Variants in MEGF11 observed in about 807,000 individuals in gnomAD.
The protein encoded by MEGF11 is multiple EGF like domains 11.
A neutral mutation model predicts 146.6 loss-of-function variants in MEGF11; 126 were observed. That is an observed-to-expected ratio of 0.86 (90% CI 0.74 to 1.00). The LOEUF (loss-of-function observed/expected upper bound fraction) is 1.00. MEGF11 is among the 50% of genes least tolerant of loss of function. The pLI, the probability that MEGF11 is intolerant of heterozygous loss-of-function variation, is 0.00. For synonymous variants in MEGF11, 532 were observed against 583.4 expected, an observed-to-expected ratio of 0.91 and a Z score of 1.27; for missense variants, 1,509 against 1,521.2, an observed-to-expected ratio of 0.99 and a Z score of 0.13.
At position 66,082,555 on chromosome 15, in the gene MEGF11, C is replaced by CCCAGCTA. The variant is rs1306079825; in HGVS notation, c.394+11840_394+11846dup. ...AGGTGTGGTGGTGTGTACCTGTAGT[C>CCCAGCTA]CCAGCTACTGGGGAAGCTGAAGAAG... On this transcript the variant is annotated intron_variant, in intron 5 of 25. Coordinates refer to ENST00000395614, the MANE Select transcript of MEGF11 (RefSeq NM_001385028.1). 1.5e-4 allele frequency among the ~76,000 whole-genome samples: 21 copies of CCCAGCTA among 144,096 alleles called. 1 individual carries two copies. In the Admixed American group the frequency reaches 1.5e-3, roughly 10 times the overall value. The allele number at this position is 144,096 out of a possible 152,430, so 94.5% of individuals were successfully genotyped here. A position where few individuals can be genotyped will look rare whatever the true frequency, so the allele number is the denominator to read the frequency against.
intron 5 of MEGF11, among the ~76,000 whole-genome samples, chr15:65,984,714 T>C (rs894875745): frequency 2.6e-5 from 4 of 152,136 alleles, no homozygotes; most frequent in East Asian, 1.9e-4. Flanking sequence ...ACATAGCTTA[T>C]TGTCCATATG....
At chr15:66,079,214 G>C (rs544406039) in intron 5 of MEGF11, among the ~76,000 whole-genome samples, 1 of 152,262 alleles carries the variant, frequency 6.6e-6, no homozygotes, top group South Asian at 2.1e-4. Context: ...AATTTTCTTG[G>C]GGGGACAGAT....
At chr15:66,146,192 A>G (rs1162383613) in intron 1 of MEGF11, among the ~76,000 whole-genome samples, 2 of 152,220 alleles carry the variant, frequency 1.3e-5, no homozygotes, top group Non-Finnish European at 2.9e-5. Flanking sequence ...GTGGTTGTAA[A>G]GATCAAAAAG....
chr15:65,900,127 A>G (rs1397625799), intron 24 of MEGF11, among the ~76,000 whole-genome samples: 1 of 152,200 alleles, frequency 6.6e-6, no homozygotes, highest in Non-Finnish European at 1.5e-5. Flanking sequence ...GCTCTGCTAG[A>G]CAAGGGATCT....
At position 66,161,191 on chromosome 15, in the gene MEGF11, T is replaced by C. The variant is rs2089941488; in HGVS notation, c.-8-32780A>G. Among the ~76,000 whole-genome samples, 3 of 152,152 alleles carry C rather than the reference T, an allele frequency of 2.0e-5. No homozygotes were observed. The South Asian group carries it at 6.2e-4, about 32-fold the overall frequency. The stretch of plus-strand genomic sequence containing the variant: ...GATCAGATGAGGATCTCAGAAAATC[T>C]TGACAGGCCGGAGCAATGTACTGAG... On this transcript the variant is annotated intron_variant, in intron 1 of 25. Coordinates refer to ENST00000395614, the MANE Select transcript of MEGF11 (RefSeq NM_001385028.1).
intron 13 of MEGF11, among the ~76,000 whole-genome samples, chr15:65,923,518 C>A (rs2079250115): frequency 6.6e-6 from 1 of 152,198 alleles, no homozygotes. Flanking sequence ...TTTTCAGATT[C>A]TTCTGACCAG....
intron 5 of MEGF11, among the ~76,000 whole-genome samples, chr15:66,034,555 G>A (rs2083653750): frequency 6.6e-6 from 1 of 152,044 alleles, no homozygotes; most frequent in South Asian, 2.1e-4. Flanking sequence ...GAGTAGCTGG[G>A]ACTACAGGGA....
chr15:66,009,944 A>G (rs1486762709), intron 5 of MEGF11, among the ~76,000 whole-genome samples: 4 of 152,074 alleles, frequency 2.6e-5, no homozygotes, highest in African/African-American at 4.8e-5. Context: ...GGCTTGAATG[A>G]CTTTGTCCAA....
At chr15:66,245,952 A>G (rs1036751544) in intron 1 of MEGF11, among the ~76,000 whole-genome samples, 1 of 151,636 alleles carries the variant, frequency 6.6e-6, no homozygotes, top group African/African-American at 2.4e-5. Context: ...GAGAACATAT[A>G]CAAGAAACAT....
At chr15:66,122,622 A>G (rs2088089131) in intron 3 of MEGF11, among the ~76,000 whole-genome samples, 1 of 152,192 alleles carries the variant, frequency 6.6e-6, no homozygotes, top group Non-Finnish European at 1.5e-5. Context: ...TTCAACAGCT[A>G]GTCTCTCACC....
intron 1 of MEGF11, among the ~76,000 whole-genome samples, chr15:66,162,795 T>C (rs1433889283): frequency 1.3e-5 from 2 of 151,696 alleles, no homozygotes; most frequent in Non-Finnish European, 1.5e-5. Context: ...GCTTATCAGT[T>C]GTACCTCAAC....
At chr15:66,127,750 C>T (rs1426468724) in intron 2 of MEGF11, among the ~76,000 whole-genome samples, 10 of 152,286 alleles carry the variant, frequency 6.6e-5, no homozygotes, top group Admixed American at 4.6e-4. Flanking sequence ...GACCTAGCGC[C>T]GCAGCTGGAA....
rs1274475379 is a variant in MEGF11 at position 66,119,192 on chromosome 15, G to A, written c.201-6C>T. The A allele has an allele frequency of 6.5e-7, 1 of 1,544,748 alleles. No homozygotes were observed. The highest frequency in any genetic ancestry group is 2.0e-5 in the Admixed American group (1 of 50,878). On this transcript the variant is annotated splice_region_variant and splice_polypyrimidine_tract_variant and intron_variant, in intron 3 of 25. Coordinates refer to ENST00000395614, the MANE Select transcript of MEGF11 (RefSeq NM_001385028.1). ...ACGCCGTCTTATAACTGATCCTAAG[G>A]CACAAGGGAGAAAGCCACTTGAAAG...
chr15:66,099,339 A>C (rs1299060838), intron 4 of MEGF11, among the ~76,000 whole-genome samples: 1 of 151,464 alleles, frequency 6.6e-6, no homozygotes, highest in East Asian at 1.9e-4. Flanking sequence ...CGCGCCACCA[A>C]GCCCGGCTAA....
chr15:65,965,253 C>T (rs2081025924), intron 8 of MEGF11, 133 bp from the exon 9 acceptor site: 2 of 650,378 alleles, frequency 3.1e-6, no homozygotes, highest in Non-Finnish European at 5.1e-6. Context: ...CAGCCTCCTC[C>T]CCTTTTCTCT....
In MEGF11 at chr15:65,913,747, G is replaced by A. The variant is rs777408815; in HGVS notation, c.2700C>T (p.Tyr900=). ...TPAMRMTSTD[Y]SLSDLSQSSS... is the part of the protein sequence containing the mutation. ...GAGCATGGCCCTTACCTGAGAGGGAGTAGTCGGTGCTGGTCATCCTCATGG... is the reference window on the plus strand; with the variant it reads ...GAGCATGGCCCTTACCTGAGAGGGAATAGTCGGTGCTGGTCATCCTCATGG... Residue 900 remains tyrosine (Y), a synonymous_variant, in exon 20 of 26, where the codon TAC becomes TAT. Coordinates refer to ENST00000395614, the MANE Select transcript of MEGF11 (RefSeq NM_001385028.1). 5 of 1,612,070 alleles carry A rather than the reference G, an allele frequency of 3.1e-6. No homozygotes were observed. Among genetic ancestry groups the A allele is most frequent in the Non-Finnish European group, 8.5e-7 (1 of 1,178,982 alleles).
At chr15:66,064,584 C>G (rs1056329007) in intron 5 of MEGF11, among the ~76,000 whole-genome samples, 3 of 150,912 alleles carry the variant, frequency 2.0e-5, no homozygotes, top group African/African-American at 7.3e-5. Context: ...ATGGTGTGAT[C>G]TCAGCTCACT....
intron 3 of MEGF11, 75 bp from the exon 4 acceptor site, chr15:66,119,261 A>G (rs1293400883): frequency 2.9e-6 from 3 of 1,031,058 alleles, no homozygotes; most frequent in African/African-American, 3.2e-5. Flanking sequence ...ATTTGTGTTA[A>G]GCTATATTGA....
chr15:65,922,460 C>A lies in MEGF11; in HGVS notation c.1835G>T (p.Gly612Val). 1.3e-6 allele frequency: 2 copies of A among 1,575,228 alleles called. No homozygotes were observed. Among genetic ancestry groups the A allele is most frequent in the Non-Finnish European group, 1.7e-6 (2 of 1,160,926 alleles). ...CTGGGCGCAGCCGTGGCCATAGAACCCAGGGGGGCAGACTGAGGGTGAAGG... is the reference window on the plus strand; with the variant it reads ...CTGGGCGCAGCCGTGGCCATAGAACACAGGGGGGCAGACTGAGGGTGAAGG... ...GPLCQRICPP[G>V]FYGHGCAQPC... is the part of the protein sequence containing the mutation. Residue 612 changes from glycine (G) to valine (V), a missense_variant, in exon 15 of 26, where the codon GGG (glycine) becomes GTG (valine). Physicochemically the swap from Gly to Val is moderately radical, Grantham distance 109. Transcript: ENST00000395614.
Sources: allele counts gnomAD v4.1 joint callset (sites outside exome capture counted in the v4.1 genomes callset), GRCh38; gene constraint gnomAD v4.1.1; transcripts MANE v1.5; gene names NCBI Gene and HGNC (gene_info 2026-07-23, HGNC 2026-07-21).